TMPRSS2: variants seen among roughly 807,000 people sequenced by gnomAD.
TMPRSS2 encodes transmembrane serine protease 2.
TMPRSS2 carries 59 observed loss-of-function variants against 67.4 expected under a neutral mutation model. That is an observed-to-expected ratio of 0.88 (90% confidence interval 0.71 to 1.09). The LOEUF (loss-of-function observed/expected upper bound fraction) is 1.09, where lower values mean the gene tolerates loss of function less well. Ranked by LOEUF, TMPRSS2 falls within the 50% of genes least tolerant of loss-of-function variation. The probability of loss-of-function intolerance (pLI) is 0.00; values close to 1 mark genes in which losing one functional copy is unlikely to be tolerated. For missense variants in TMPRSS2, 668 were observed against 642.7 expected, an observed-to-expected ratio of 1.04 and a Z score of -0.43; for synonymous variants, 257 against 257.0, an observed-to-expected ratio of 1.00 and a Z score of 0.00.
chr21:41,492,246 C>T (rs1273138283), intron 3 of TMPRSS2, among the ~76,000 whole-genome samples: 2 of 152,130 alleles, frequency 1.3e-5, no homozygotes, highest in Non-Finnish European at 2.9e-5. Flanking sequence ...ACAAAACCCA[C>T]TATCCATTTC....
intron 6 of TMPRSS2, among the ~76,000 whole-genome samples, chr21:41,480,099 G>A (rs999132121): frequency 1.3e-5 from 2 of 152,120 alleles, no homozygotes; most frequent in Non-Finnish European, 1.5e-5. Context: ...AACCCTCCTC[G>A]CCAGCTGTTC....
At chr21:41,468,830 T>G (rs2091106361) in intron 11 of TMPRSS2, 2 of 331,320 alleles carry the variant, frequency 6.0e-6, no homozygotes, top group Non-Finnish European at 1.1e-5. Flanking sequence ...CCCCCTCTTA[T>G]TCACCCAACG....
At chr21:41,487,111 A>T (rs1027624512) in intron 5 of TMPRSS2, 1 of 152,370 alleles carries the variant, frequency 6.6e-6, no homozygotes, top group African/African-American at 2.4e-5. Context: ...GGCATTTTTC[A>T]CAACAGCCAA....
At chr21:41,476,200 C>T (rs2091211231) in intron 8 of TMPRSS2, among the ~76,000 whole-genome samples, 1 of 152,192 alleles carries the variant, frequency 6.6e-6, no homozygotes, top group South Asian at 2.1e-4. Flanking sequence ...TGGTGCTGGA[C>T]CACAGCCCCG....
intron 5 of TMPRSS2, among the ~76,000 whole-genome samples, chr21:41,485,714 G>A (rs1185935330): frequency 1.3e-5 from 2 of 151,004 alleles, no homozygotes; most frequent in Non-Finnish European, 2.9e-5. Flanking sequence ...TTAACCTCAC[G>A]CTACTCAATC....
intron 3 of TMPRSS2, among the ~76,000 whole-genome samples, chr21:41,491,103 C>T (rs1013469792): frequency 2.6e-5 from 4 of 151,622 alleles, no homozygotes; most frequent in African/African-American, 9.7e-5. Flanking sequence ...TGGTTCCCAT[C>T]ACCAGAGATT....
chr21:41,473,178 T>A, intron 9 of TMPRSS2, 147 bp downstream of exon 9: 1 of 938,282 alleles, frequency 1.1e-6, no homozygotes, highest in Non-Finnish European at 1.6e-6. Flanking sequence ...GCACTTGATG[T>A]CTCACAGCCC....
At chr21:41,470,791 G>T (rs747014475) in intron 10 of TMPRSS2, 48 bp from the exon 11 acceptor site, 7 of 1,524,234 alleles carry the variant, frequency 4.6e-6, no homozygotes, top group South Asian at 2.3e-5. Context: ...TATCACCTAT[G>T]TCTCCACCTG....
Position 41,478,111 on chromosome 21 carries a change from T to G in TMPRSS2, c.683+1061A>C, listed in dbSNP as rs1250785545. Among the ~76,000 whole-genome samples, 2 of 152,264 alleles carry G rather than the reference T, an allele frequency of 1.3e-5. No individual in the cohort carries two copies. The highest frequency in any genetic ancestry group is 2.9e-5 in the Non-Finnish European group (2 of 68,042). ...TACAAAGTGCCCAGGCAGCTGTGTT[T>G]AGCTTCTCCACAGGGACAAACCGCA... On this transcript the variant is annotated intron_variant, in intron 7 of 13. Transcript: ENST00000332149. This position sits in a 1 kb window ranked among gnomAD's most constrained non-coding sequence, Gnocchi z 4.0.
At position 41,494,456 on chromosome 21, in the gene TMPRSS2, C is replaced by T. The variant is rs370092773; in HGVS notation, c.138G>A (p.Pro46=). 6.1e-5 allele frequency: 99 copies of T among 1,613,682 alleles called. No individual in the cohort carries two copies. The highest frequency in any genetic ancestry group is 9.3e-5 in the African/African-American group (7 of 74,998). Residue 46 remains proline, a synonymous_variant, in exon 3 of 14, where the codon CCG becomes CCA. Transcript: ENST00000332149. ...TCGGGGCGTACTGGGGCACGGGGGA[C>T]GGGTAGTACTGAGCCGGATGCACCT... The part of the protein sequence containing the change: ...VYEVHPAQYY[P]SPVPQYAPRV...
intron 3 of TMPRSS2, 62 bp downstream of exon 3, chr21:41,494,294 C>A: frequency 6.4e-7 from 1 of 1,565,552 alleles, no homozygotes; most frequent in African/African-American, 1.4e-5. Context: ...AGAGAGCCCA[C>A]TGGGGAGGTA....
chr21:41,496,748 C>G (rs1477918796), intron 2 of TMPRSS2, among the ~76,000 whole-genome samples: 1 of 151,344 alleles, frequency 6.6e-6, no homozygotes, highest in Non-Finnish European at 1.5e-5. Flanking sequence ...TGGGAGGCCA[C>G]GTTTTCCTCT....
chr21:41,465,087 G>A lies in TMPRSS2; in HGVS notation c.*1055C>T. ...AGCACATTCATTTATAGAACGTTAA[G>A]TCAGGAGCCAGTCATTTTGTCAAAG... On this transcript the variant is annotated 3_prime_UTR_variant, in exon 14 of 14. Coordinates refer to ENST00000332149, the MANE Select transcript of TMPRSS2 (RefSeq NM_005656.4). 1 of 233,586 alleles carries A rather than the reference G, an allele frequency of 4.3e-6. No homozygotes were observed. 14.5% of individuals were successfully genotyped at this position (233,586 alleles called of 1,614,324 possible).
At position 41,471,180 on chromosome 21, in the gene TMPRSS2, T is replaced by G. The variant is rs142834250; in HGVS notation, c.1076-437A>C. On this transcript the variant is annotated intron_variant, in intron 10 of 13. Transcript: ENST00000332149. Reference sequence around the variant, plus strand: ...AATACAGACATGCTGTAGGGAGGGCTGAGGTTTTGCTTCTTCTGTATCCAC... The same window carrying G: ...AATACAGACATGCTGTAGGGAGGGCGGAGGTTTTGCTTCTTCTGTATCCAC... Among the ~76,000 whole-genome samples the G allele has an allele frequency of 1.6e-4, 25 of 152,332 alleles. No homozygotes were observed. In the East Asian group the frequency reaches 4.8e-3, roughly 29 times the overall value.
Position 41,466,213 on chromosome 21 carries a change from T to C in TMPRSS2, c.1468-60A>G, listed in dbSNP as rs2091082175. 7 of 1,591,448 alleles carry C rather than the reference T, an allele frequency of 4.4e-6. No individual in the cohort carries two copies. The South Asian group carries it at 6.7e-5, about 15-fold the overall frequency. ...TCTTAAGACAAACAAAGGTGGAAAA[T>C]AATTTTTTCCTCTAGGTTCGCATGA... On this transcript the variant is annotated intron_variant, in intron 13 of 13. Transcript: ENST00000332149.
At chr21:41,498,923 T>C (rs2091404813) in intron 1 of TMPRSS2, among the ~76,000 whole-genome samples, 1 of 149,680 alleles carries the variant, frequency 6.7e-6, no homozygotes, top group Non-Finnish European at 1.5e-5. Context: ...TGCCTCACAG[T>C]ACTAGGAACT....
chr21:41,471,711 G>T, intron 10 of TMPRSS2, 95 bp downstream of exon 10: 1 of 1,410,184 alleles, frequency 7.1e-7, no homozygotes, highest in Non-Finnish European at 9.6e-7. Flanking sequence ...CAACGCAAAT[G>T]CCTCCCTTCC....
intron 5 of TMPRSS2, among the ~76,000 whole-genome samples, chr21:41,485,367 G>A (rs146252393): frequency 1.3e-5 from 2 of 152,194 alleles, no homozygotes; most frequent in African/African-American, 4.8e-5. Flanking sequence ...GCCATTCCAG[G>A]CCAGGCGTGG....
intron 5 of TMPRSS2, among the ~76,000 whole-genome samples, chr21:41,484,535 G>A (rs555056677): frequency 6.6e-6 from 1 of 152,276 alleles, no homozygotes; most frequent in South Asian, 2.1e-4. Context: ...CTACGAAATG[G>A]ACAAATTAAA....
Sources: allele counts gnomAD v4.1 joint callset (sites outside exome capture counted in the v4.1 genomes callset), GRCh38; gene constraint gnomAD v4.1.1; non-coding constraint Gnocchi (gnomAD v3.1); transcripts MANE v1.5; gene names NCBI Gene and HGNC (gene_info 2026-07-23, HGNC 2026-07-21).